The following SNRPB2 variants were observed in gnomAD, a reference collection of about 807,000 sequenced individuals.
The protein encoded by SNRPB2 is small nuclear ribonucleoprotein polypeptide B2, also known as U2 small nuclear ribonucleoprotein B''.
A neutral mutation model predicts 26.3 loss-of-function variants in SNRPB2; 16 were observed. The ratio of observed to expected loss-of-function variants is 0.61; its 90% CI spans 0.41 to 0.92. The LOEUF (loss-of-function observed/expected upper bound fraction) is 0.92, where lower values mean the gene tolerates loss of function less well. Among genes scored for constraint, SNRPB2 ranks in the 40% least tolerant of loss-of-function variants. The pLI is 0.00. For synonymous variants in SNRPB2, 75 were observed against 89.0 expected, an observed-to-expected ratio of 0.84 and a Z score of 0.88; for missense variants, 179 against 268.1, an observed-to-expected ratio of 0.67 and a Z score of 2.32.
At chr20:16,734,609 T>C (rs148756333) in intron 3 of SNRPB2, among the ~76,000 whole-genome samples, 148 of 152,312 alleles carry the variant, frequency 9.7e-4, no homozygotes, top group African/African-American at 3.3e-3. Flanking sequence ...ACCCTGTCAC[T>C]TTGGACATTT....
rs2072458301 is a variant in SNRPB2, at chr20:16,740,850, C to T, written c.523C>T (p.Pro175Ser). ...MMLSMLFNQF[P>S]GFKEVRLVPG... ...AATTGTTTTTCTTCTTTATAGGTTC[C>T]CTGGCTTCAAGGAAGTACGTCTGGT... Residue 175 changes from proline to serine, a missense_variant, in exon 7 of 7, where the codon CCT becomes TCT. Physicochemically the swap from Pro to Ser is moderately conservative, Grantham distance 74. Transcript: ENST00000246071. The T allele has an allele frequency of 2.5e-6, 4 of 1,608,812 alleles. No individual in the cohort carries two copies. Among genetic ancestry groups the T allele is most frequent in the Non-Finnish European group, 3.4e-6 (4 of 1,176,018 alleles).
At position 16,736,910 on chromosome 20, in the gene SNRPB2, C is replaced by T. The variant is rs111326736; in HGVS notation, c.238-351C>T. Among the ~76,000 whole-genome samples the T allele has an allele frequency of 3.1e-3, 476 of 152,306 alleles. 3 individuals are homozygous for T. Among genetic ancestry groups the T allele is most frequent in the African/African-American group, 0.011 (450 of 41,548 alleles). On this transcript the variant is annotated intron_variant, in intron 3 of 6. Coordinates refer to ENST00000246071, the MANE Select transcript of SNRPB2 (RefSeq NM_003092.5). Reference sequence around the variant, plus strand: ...TTGAACAGTTCAGGATTCCAAAGCCCGCTGGTGGAGCCCACTCATTTGTTC... The same window carrying T: ...TTGAACAGTTCAGGATTCCAAAGCCTGCTGGTGGAGCCCACTCATTTGTTC...
Position 16,730,175 on chromosome 20 carries a change from G to C in SNRPB2, c.-36+11G>C, listed in dbSNP as rs931657116. On this transcript the variant is annotated intron_variant, in intron 1 of 6. Coordinates refer to ENST00000246071, the MANE Select transcript of SNRPB2 (RefSeq NM_003092.5). ...AAGCGCGAAGCTGGGGTGGGTACGCGTTTGGCCCGGGTTTGGATCTCGGAG... is the reference window on the plus strand; with the variant it reads ...AAGCGCGAAGCTGGGGTGGGTACGCCTTTGGCCCGGGTTTGGATCTCGGAG... 6.6e-6 allele frequency: 1 copy of C among 152,322 alleles called. No individual in the cohort carries two copies. The highest frequency in any genetic ancestry group is 1.5e-5 in the Non-Finnish European group (1 of 68,188). 9.4% of individuals were successfully genotyped at this position (152,322 alleles called of 1,614,324 possible). A position where few individuals can be genotyped will look rare whatever the true frequency, so the allele number is the denominator to read the frequency against.
chr20:16,738,973 T>TTACCATGTCTCCAAAAACAAA, intron 5 of SNRPB2, 71 bp downstream of exon 5: 1 of 980,744 alleles, frequency 1.0e-6, no homozygotes, highest in Non-Finnish European at 1.6e-6. Context: ...TATAAAACAA[T>TTACCATGTCTCCAAAAACAAA]TTCCATGTCT....
chr20:16,730,836 A>AAAGC (rs879595522), intron 1 of SNRPB2: 5 of 152,226 alleles, frequency 3.3e-5, no homozygotes, highest in Non-Finnish European at 7.3e-5. Flanking sequence ...TGTAGAGGAG[A>AAAGC]AAGCAAGGGC....
Position 16,737,398 on chromosome 20 carries a change from C to A in SNRPB2, c.375C>A (p.Gly125=). The A allele has an allele frequency of 6.3e-7, 1 of 1,578,356 alleles. No individual in the cohort carries two copies. Among genetic ancestry groups the A allele is most frequent in the Non-Finnish European group, 8.5e-7 (1 of 1,170,680 alleles). Residue 125 remains glycine (G), a synonymous_variant, in exon 4 of 7, where the codon GGC becomes GGA. Transcript: ENST00000246071. ...CAACAACCACAAACAAAAAGCCTGG[C>A]CAGGTAAGAAAGACCAAGAAAGTTC... ...QTATTTNKKP[G]QGTPNSANTQ...
At position 16,738,907 on chromosome 20, in the gene SNRPB2, T is replaced by G; in HGVS notation, c.429+5T>G. On this transcript the variant is annotated splice_donor_5th_base_variant and intron_variant, in intron 5 of 6. Coordinates refer to ENST00000246071, the MANE Select transcript of SNRPB2 (RefSeq NM_003092.5). ...AATTCAACACCAAATCCTCAGGTAA[T>G]TTTTTTTCCATGTCGTGCTTACCTT... The G allele has an allele frequency of 1.9e-6, 3 of 1,574,524 alleles. No individual in the cohort carries two copies. The East Asian group carries it at 6.7e-5, about 35-fold the overall frequency.
intron 3 of SNRPB2, among the ~76,000 whole-genome samples, chr20:16,734,273 C>T (rs569758054): frequency 1.2e-4 from 19 of 152,236 alleles, no homozygotes; most frequent in Admixed American, 1.2e-3. Context: ...ACAGATACTG[C>T]CAAATCTCCA....
At chr20:16,733,151 A>C (rs2072403951) in intron 3 of SNRPB2, among the ~76,000 whole-genome samples, 1 of 152,206 alleles carries the variant, frequency 6.6e-6, no homozygotes, top group East Asian at 1.9e-4. Flanking sequence ...TTCTGGTTGT[A>C]CTATTAACTG....
chr20:16,739,351 A>C (rs970658230), intron 5 of SNRPB2, among the ~76,000 whole-genome samples: 5 of 152,020 alleles, frequency 3.3e-5, no homozygotes, highest in Non-Finnish European at 5.9e-5. Flanking sequence ...CCTGAACACA[A>C]ATAAATTCCA....
intron 5 of SNRPB2, 95 bp downstream of exon 5, chr20:16,738,997 G>A: frequency 1.2e-6 from 1 of 800,240 alleles, no homozygotes; most frequent in South Asian, 1.5e-5. Flanking sequence ...AAAACAAAAT[G>A]ATTTCATCTA....
chr20:16,730,943 G>C (rs991471141), intron 1 of SNRPB2: 4 of 152,046 alleles, frequency 2.6e-5, no homozygotes, highest in African/African-American at 2.4e-5. Flanking sequence ...AGTGTTTACC[G>C]CTGATGCAGA....
chr20:16,737,449 G>T (rs369869364), intron 4 of SNRPB2, 48 bp downstream of exon 4: 29 of 1,507,230 alleles, frequency 1.9e-5, no homozygotes, highest in Non-Finnish European at 2.5e-5. Context: ...TTAAAAACTT[G>T]ATAGATGCTT....
At chr20:16,737,481 C>A in intron 4 of SNRPB2, 80 bp downstream of exon 4, 1 of 1,330,082 alleles carries the variant, frequency 7.5e-7, no homozygotes, top group Non-Finnish European at 1.0e-6. Flanking sequence ...AAGGAATGAT[C>A]TTAGGCTTGT....
rs1288646309 is a variant in SNRPB2, at chr20:16,741,908, A to G, written c.*903A>G. On this transcript the variant is annotated 3_prime_UTR_variant, in exon 7 of 7. Transcript: ENST00000246071. The stretch of plus-strand genomic sequence containing the variant: ...TGAGTAAACCATGGGTATCTCCAGA[A>G]GTGGACAATTTGTTTTTACAAGTAT... 6.6e-6 allele frequency: 1 copy of G among 152,212 alleles called. No individual in the cohort carries two copies. The highest frequency in any genetic ancestry group is 1.5e-5 in the Non-Finnish European group (1 of 68,032). 9.4% of individuals were successfully genotyped at this position (152,212 alleles called of 1,614,324 possible).
chr20:16,735,681 A>G (rs935559354), intron 3 of SNRPB2, among the ~76,000 whole-genome samples: 1 of 152,216 alleles, frequency 6.6e-6, no homozygotes, highest in Non-Finnish European at 1.5e-5. Flanking sequence ...TATCTTGGAC[A>G]AGTTTTTGAA....
intron 3 of SNRPB2, among the ~76,000 whole-genome samples, chr20:16,733,097 G>A (rs1023517876): frequency 6.6e-6 from 1 of 152,168 alleles, no homozygotes; most frequent in African/African-American, 2.4e-5. Flanking sequence ...AAGGAGTGTT[G>A]GACAGAGAGC....
intron 4 of SNRPB2, among the ~76,000 whole-genome samples, chr20:16,738,052 GAAA>G (rs775932619): frequency 3.1e-5 from 4 of 127,716 alleles, no homozygotes; most frequent in African/African-American, 1.2e-4. Context: ...AAAAAAAAAA[GAAA>G]AAAAAAAACC....
chr20:16,736,858 A>C (rs2122503874), intron 3 of SNRPB2, among the ~76,000 whole-genome samples: 1 of 152,290 alleles, frequency 6.6e-6, no homozygotes, highest in South Asian at 2.1e-4. Flanking sequence ...GCTGATCTTG[A>C]GCCAGATCCT....
Sources: gnomAD v4.1 joint callset for allele counts (sites outside exome capture counted in the v4.1 genomes callset) on GRCh38, gnomAD v4.1.1 for gene constraint, MANE v1.5 for transcripts, NCBI Gene and HGNC (gene_info 2026-07-23, HGNC 2026-07-21) for gene names.